Variants in FSTL4 observed in about 807,000 individuals in gnomAD.
FSTL4 encodes follistatin like 4, also known as follistatin-related protein 4.
A neutral mutation model predicts 78.2 loss-of-function variants in FSTL4; 28 were observed. The ratio of observed to expected loss-of-function variants is 0.36; its 90% CI spans 0.27 to 0.49. The LOEUF (loss-of-function observed/expected upper bound fraction) is 0.49, where lower values mean the gene tolerates loss of function less well. FSTL4 is among the 20% of genes least tolerant of loss of function. The pLI is 0.98. For synonymous variants in FSTL4, 422 were observed against 440.5 expected (o/e 0.96, Z 0.53); for missense variants, 922 against 1,084.9 (o/e 0.85, Z 2.11).
At chr5:133,318,807 C>A (rs141261145) in intron 4 of FSTL4, among the ~76,000 whole-genome samples, 1 of 152,230 alleles carries the variant, frequency 6.6e-6, no homozygotes, top group Non-Finnish European at 1.5e-5. Context: ...CAACCTTCCT[C>A]CTGGACCTTG....
intron 6 of FSTL4, among the ~76,000 whole-genome samples, chr5:133,252,560 T>C (rs60262622): frequency 0.013 from 1,934 of 152,062 alleles, 35 homozygotes; most frequent in African/African-American, 0.044. Context: ...AGAACCACTG[T>C]GTTACAAGAT....
At chr5:133,574,558 T>C (rs1380920368) in intron 2 of FSTL4, among the ~76,000 whole-genome samples, 1 of 152,232 alleles carries the variant, frequency 6.6e-6, no homozygotes, top group Non-Finnish European at 1.5e-5. Context: ...ATAACTATTG[T>C]GACATCTATG....
chr5:133,704,213 A>G, the FSTL4 span, among the ~76,000 whole-genome samples: 96 of 152,344 alleles, frequency 6.3e-4, no homozygotes, highest in African/African-American at 1.9e-3. Flanking sequence ...ATTCAGTCCC[A>G]TAACTAATTT....
At chr5:133,653,383 G>A in the FSTL4 span, among the ~76,000 whole-genome samples, 1 of 152,086 alleles carries the variant, frequency 6.6e-6, no homozygotes, top group Non-Finnish European at 1.5e-5. Context: ...GCCAATTGGA[G>A]GCCTCCATAG....
At chr5:133,816,620 C>T in the FSTL4 span, among the ~76,000 whole-genome samples, 2 of 152,214 alleles carry the variant, frequency 1.3e-5, no homozygotes, top group East Asian at 3.8e-4. Context: ...CGAGCAAGTG[C>T]TGAGAGGTTT....
chr5:133,297,709 A>G (rs771070069), intron 6 of FSTL4, among the ~76,000 whole-genome samples: 1 of 152,152 alleles, frequency 6.6e-6, no homozygotes, highest in Non-Finnish European at 1.5e-5. Flanking sequence ...CTCTCACAGA[A>G]ATCTAGAGTG....
chr5:133,282,633 C>CTT (rs1753035841), intron 6 of FSTL4, among the ~76,000 whole-genome samples: 1 of 152,176 alleles, frequency 6.6e-6, no homozygotes, highest in African/African-American at 2.4e-5. Context: ...GCCATCCCCT[C>CTT]TTCGTGCCCT....
chr5:133,572,256 C>A (rs921153560), intron 2 of FSTL4, among the ~76,000 whole-genome samples: 8 of 152,030 alleles, frequency 5.3e-5, no homozygotes, highest in African/African-American at 1.2e-4. Flanking sequence ...CAATGGAATG[C>A]CATCTTTAGT....
At chr5:133,750,986 A>G in the FSTL4 span, among the ~76,000 whole-genome samples, 1 of 151,894 alleles carries the variant, frequency 6.6e-6, no homozygotes, top group South Asian at 2.1e-4. Context: ...CACTGCAGAA[A>G]ATAATTTGGA....
At chr5:133,230,984 G>A (rs1162608732) in intron 8 of FSTL4, among the ~76,000 whole-genome samples, 2 of 152,052 alleles carry the variant, frequency 1.3e-5, no homozygotes, top group Non-Finnish European at 1.5e-5. Flanking sequence ...GGTACCACTA[G>A]GGTGGGAGGT....
chr5:133,613,364 GC>G (rs1761144494), upstream of FSTL4, among the ~76,000 whole-genome samples: 1 of 152,236 alleles, frequency 6.6e-6, no homozygotes, highest in Admixed American at 6.5e-5. Context: ...CTGAGGGCCT[GC>G]CTCCTGCTCT....
At chr5:133,689,151 A>C in the FSTL4 span, among the ~76,000 whole-genome samples, 255 of 152,164 alleles carry the variant, frequency 1.7e-3, no homozygotes, top group Middle Eastern at 0.01. Flanking sequence ...CAGTCTCTCC[A>C]CAGTGGCCCG....
At chr5:133,532,784 G>C (rs79215122) in intron 3 of FSTL4, among the ~76,000 whole-genome samples, 39,967 of 151,998 alleles carry the variant, frequency 0.26, 5,386 homozygotes, top group East Asian at 0.34. Context: ...TCCTGGCTCA[G>C]AAAGGCCGGT....
intron 3 of FSTL4, among the ~76,000 whole-genome samples, chr5:133,409,886 T>C (rs750040045): frequency 5.9e-5 from 9 of 152,146 alleles, no homozygotes; most frequent in African/African-American, 9.7e-5. Context: ...ATCTACAAGG[T>C]GTGTCTCTTT....
At chr5:133,221,908 T>TTTG (rs1751133490) in intron 11 of FSTL4, among the ~76,000 whole-genome samples, 6 of 113,322 alleles carry the variant, frequency 5.3e-5, no homozygotes, top group Admixed American at 3.3e-4. Context: ...TTTTTTTTTT[T>TTTG]TTTTTTTTTT....
intron 3 of FSTL4, among the ~76,000 whole-genome samples, chr5:133,423,620 GGT>G (rs1336536979): frequency 1.3e-5 from 2 of 152,190 alleles, no homozygotes; most frequent in African/African-American, 4.8e-5. Flanking sequence ...GTGAGGCGGT[GGT>G]GATGGCTAAC....
At chr5:133,376,010 A>G (rs1394110498) in intron 4 of FSTL4, among the ~76,000 whole-genome samples, 1 of 152,168 alleles carries the variant, frequency 6.6e-6, no homozygotes, top group East Asian at 1.9e-4. Context: ...TTACCCATAG[A>G]CTCAATGCGA....
the FSTL4 span, among the ~76,000 whole-genome samples, chr5:133,800,656 C>G: frequency 7.3e-6 from 1 of 137,138 alleles, no homozygotes; most frequent in Non-Finnish European, 1.6e-5. Context: ...ACTTCGCAGC[C>G]CTTTCTTGAG....
chr5:133,735,000 G>A, the FSTL4 span, among the ~76,000 whole-genome samples: 2 of 152,210 alleles, frequency 1.3e-5, no homozygotes, highest in African/African-American at 2.4e-5. Context: ...CCATGGGACT[G>A]TGCGAGGAGG....
Sources: allele counts gnomAD v4.1 joint callset (sites outside exome capture counted in the v4.1 genomes callset), GRCh38; gene constraint gnomAD v4.1.1; transcripts MANE v1.5; gene names NCBI Gene and HGNC (gene_info 2026-07-23, HGNC 2026-07-21).